Variants in CTR9 observed in about 807,000 individuals in gnomAD.
CTR9 encodes CTR9 component of Paf1/RNA polymerase II complex.
CTR9 carries 41 observed loss-of-function variants against 152.1 expected under a neutral mutation model. That is an observed-to-expected ratio of 0.27 (90% CI 0.21 to 0.35). The LOEUF is 0.35. CTR9 is among the 10% of genes least tolerant of loss of function. CTR9 has a pLI of 1.00. For missense variants in CTR9, 917 were observed against 1,424.4 expected (o/e 0.64, Z 5.73); for synonymous variants, 476 against 496.2 (o/e 0.96, Z 0.54).
intron 7 of CTR9, among the ~76,000 whole-genome samples, chr11:10,762,641 A>G (rs910496528): frequency 6.6e-6 from 1 of 152,168 alleles, no homozygotes; most frequent in Non-Finnish European, 1.5e-5. Context: ...TTTATTTTGC[A>G]TGTTAATCAT....
intron 6 of CTR9, among the ~76,000 whole-genome samples, chr11:10,761,578 C>G (rs967633678): frequency 6.6e-6 from 1 of 151,812 alleles, no homozygotes; most frequent in Non-Finnish European, 1.5e-5. Context: ...CCAGTGTACT[C>G]CATCCTGGGC....
chr11:10,769,615 G>A (rs1008400146), intron 16 of CTR9, among the ~76,000 whole-genome samples: 1 of 152,104 alleles, frequency 6.6e-6, no homozygotes, highest in Non-Finnish European at 1.5e-5. Flanking sequence ...TTTTATAAAT[G>A]CAAATTAACT....
intron 16 of CTR9, among the ~76,000 whole-genome samples, chr11:10,769,536 G>T (rs1863109939): frequency 6.6e-6 from 1 of 152,150 alleles, no homozygotes; most frequent in South Asian, 2.1e-4. Context: ...AACCTAGATT[G>T]CATATGGAGC....
intron 12 of CTR9, 107 bp downstream of exon 12, chr11:10,764,838 G>T: frequency 1.9e-6 from 2 of 1,034,560 alleles, no homozygotes; most frequent in Non-Finnish European, 2.7e-6. Context: ...ATTGTTTAAG[G>T]TTCTAATGTC....
chr11:10,752,243 G>A (rs1862816227), intron 1 of CTR9, among the ~76,000 whole-genome samples: 1 of 152,112 alleles, frequency 6.6e-6, no homozygotes, highest in Non-Finnish European at 1.5e-5. Flanking sequence ...TTACACGCAG[G>A]TGCCACCTCC....
chr11:10,752,180 A>C (rs952814190), intron 1 of CTR9, among the ~76,000 whole-genome samples: 3 of 152,154 alleles, frequency 2.0e-5, no homozygotes, highest in Non-Finnish European at 4.4e-5. Flanking sequence ...ATTACCTCTA[A>C]TTCCAGGACA....
Position 10,771,597 on chromosome 11 carries a change from C to T in CTR9, c.2425C>T (p.Leu809Phe). Residue 809 changes from leucine (L) to phenylalanine (F), a missense_variant, in exon 19 of 25, where the codon CTT becomes TTT. Transcript: ENST00000361367. ...VGDKMRFDLALAATEARQCSD... is the reference protein window; with the variant it reads ...VGDKMRFDLAFAATEARQCSD... ...AGATAAAATGAGATTTGATTTGGCC[C>T]TTGCTGCTACAGAAGCCAGGTAATG... 2 of 1,612,520 alleles carry T rather than the reference C, an allele frequency of 1.2e-6. No individual in the cohort carries two copies. The highest frequency in any genetic ancestry group is 1.7e-6 in the Non-Finnish European group (2 of 1,178,670).
At chr11:10,766,074 C>G (rs953446909) in intron 12 of CTR9, among the ~76,000 whole-genome samples, 1 of 152,132 alleles carries the variant, frequency 6.6e-6, no homozygotes, top group Non-Finnish European at 1.5e-5. Flanking sequence ...AGGTAACTGA[C>G]AATGGTGTGC....
rs1164238023 is a variant in CTR9 at position 10,751,421 on chromosome 11, G to T, written c.9G>T (p.Arg3=). 1.2e-6 allele frequency: 2 copies of T among 1,613,472 alleles called. No homozygotes were observed. The highest frequency in any genetic ancestry group is 2.7e-5 in the African/African-American group (2 of 74,946). The change falls in exon 1 of 25, where the codon CGG becomes CGT. Residue 3 remains arginine (R), a synonymous_variant. Transcript: ENST00000361367. Reference sequence around the variant, plus strand: ...CGCCTTTTGACCCCATCATGTCGCGGGGCTCCATCGAGATTCCCCTCCGGG... The same window carrying T: ...CGCCTTTTGACCCCATCATGTCGCGTGGCTCCATCGAGATTCCCCTCCGGG... The part of the protein sequence containing the change: MS[R]GSIEIPLRDT...
At chr11:10,759,175 T>C (rs1862935361) in intron 5 of CTR9, among the ~76,000 whole-genome samples, 1 of 152,168 alleles carries the variant, frequency 6.6e-6, no homozygotes, top group Non-Finnish European at 1.5e-5. Context: ...CCTAGAGCAC[T>C]CTGATATTAA....
chr11:10,755,759 C>A lies in CTR9; in HGVS notation c.466C>A (p.Leu156Ile). The change falls in exon 4 of 25, where the codon CTC becomes ATC. Residue 156 changes from leucine (L) to isoleucine (I), a missense_variant. Around this residue, in one of 9 missense-constraint regions of CTR9, gnomAD observed 110 missense variants for 149.5 expected, o/e 0.74. Coordinates refer to ENST00000361367, the MANE Select transcript of CTR9 (RefSeq NM_014633.5). ...AGCTGATGCACAGTTTCATTTTGTA[C>A]TCAATCAGTCTCCAAATAATATTCC... ...DQADAQFHFV[L>I]NQSPNNIPAL... 1 of 1,612,532 alleles carries A rather than the reference C, an allele frequency of 6.2e-7. No individual in the cohort carries two copies. Among genetic ancestry groups the A allele is most frequent in the Non-Finnish European group, 8.5e-7 (1 of 1,178,854 alleles).
In CTR9 at chr11:10,768,164, G is replaced by A. The variant is rs368111265; in HGVS notation, c.1960+3G>A. 30 of 1,612,048 alleles carry A rather than the reference G, an allele frequency of 1.9e-5. No homozygotes were observed. In the African/African-American group the frequency reaches 3.7e-4, roughly 20 times the overall value. On this transcript the variant is annotated splice_donor_region_variant and intron_variant, in intron 15 of 24. Coordinates refer to ENST00000361367, the MANE Select transcript of CTR9 (RefSeq NM_014633.5). Reference sequence around the variant, plus strand: ...TCTGTATGCTGCCAATGGCATAGGTGATTATAAGACTTGAGTACCCATAAC... The same window carrying A: ...TCTGTATGCTGCCAATGGCATAGGTAATTATAAGACTTGAGTACCCATAAC...
intron 1 of CTR9, among the ~76,000 whole-genome samples, chr11:10,751,806 C>T (rs566578245): frequency 1.3e-5 from 2 of 152,228 alleles, no homozygotes; most frequent in South Asian, 4.2e-4. Context: ...CAGAGGTGGG[C>T]GCTGATGTTT....
chr11:10,764,239 G>A (rs974459190), intron 10 of CTR9, 38 bp downstream of exon 10: 1 of 1,613,384 alleles, frequency 6.2e-7, no homozygotes, highest in Admixed American at 1.7e-5. Flanking sequence ...CATATGATGT[G>A]TTTTTTGTAA....
At chr11:10,778,146 G>A (rs1863271563) in intron 24 of CTR9, among the ~76,000 whole-genome samples, 1 of 152,192 alleles carries the variant, frequency 6.6e-6, no homozygotes, top group African/African-American at 2.4e-5. Flanking sequence ...GGGACCTAGT[G>A]CAGTAGCAAA....
intron 2 of CTR9, among the ~76,000 whole-genome samples, chr11:10,754,492 C>T (rs1862854057): frequency 6.6e-6 from 1 of 152,110 alleles, no homozygotes; most frequent in Non-Finnish European, 1.5e-5. Flanking sequence ...TCTGTATATA[C>T]CTGTGAAACC....
At chr11:10,756,144 C>A (rs1203979000) in intron 4 of CTR9, among the ~76,000 whole-genome samples, 1 of 152,026 alleles carries the variant, frequency 6.6e-6, no homozygotes, top group Admixed American at 6.5e-5. Flanking sequence ...CCCATCTCTA[C>A]AAAAAATAAT....
At position 10,774,119 on chromosome 11, in the gene CTR9, A is replaced by G; in HGVS notation, c.2835A>G (p.Gln945=). ...KKRRKGSGSE[Q]EGEDEEGGER... is the part of the protein sequence containing the mutation. ...GAAGAAAGGGTAGTGGCAGTGAACA[A>G]GAAGGTGAAGATGAGGAGGGTGGTG... Residue 945 remains glutamine, a synonymous_variant, in exon 22 of 25, where the codon CAA becomes CAG. Transcript: ENST00000361367. The G allele has an allele frequency of 6.2e-7, 1 of 1,605,942 alleles. No homozygotes were observed. The highest frequency in any genetic ancestry group is 8.5e-7 in the Non-Finnish European group (1 of 1,172,576).
chr11:10,773,286 T>G lies in CTR9; in HGVS notation c.2727+13T>G. On this transcript the variant is annotated intron_variant, in intron 21 of 24. Transcript: ENST00000361367. ...TGGTGGTGGACGGGTAAGATATAAT[T>G]CCTGCTAGCACAAGTGACCTCATTC... 6.2e-7 allele frequency: 1 copy of G among 1,608,410 alleles called. No individual in the cohort carries two copies. Among genetic ancestry groups the G allele is most frequent in the Non-Finnish European group, 8.5e-7 (1 of 1,178,674 alleles).
Sources: gnomAD v4.1 joint callset for allele counts (sites outside exome capture counted in the v4.1 genomes callset) on GRCh38, gnomAD v4.1.1 for gene constraint, gnomAD v4.1.1 regional missense constraint, MANE v1.5 for transcripts, NCBI Gene and HGNC (gene_info 2026-07-23, HGNC 2026-07-21) for gene names.